APBB2: variants seen among roughly 807,000 people sequenced by gnomAD.
The protein encoded by APBB2 is Fe65-like 1.
APBB2 carries 38 observed loss-of-function variants against 82.5 expected under a neutral mutation model. That is an observed-to-expected ratio of 0.46 (90% CI 0.36 to 0.60). The LOEUF is 0.60. Ranked by LOEUF, APBB2 falls within the 20% of genes least tolerant of loss-of-function variation. The pLI is 0.00. For synonymous variants in APBB2, 341 were observed against 368.2 expected (o/e 0.93, Z 0.85); for missense variants, 772 against 972.3 (o/e 0.79, Z 2.74).
rs967701549 is a variant in APBB2 at position 40,833,159 on chromosome 4, G to A, written c.1530-2582C>T. ...AGAGGGTCCTTCAGAAATACACCAC[G>A]TCTCCCGGCACACAACTCCAATCCT... On this transcript the variant is annotated intron_variant, in intron 12 of 17. Coordinates refer to ENST00000508593, the MANE Select transcript of APBB2 (RefSeq NM_004307.2). 3.9e-5 allele frequency among the ~76,000 whole-genome samples: 6 copies of A among 152,270 alleles called. No homozygotes were observed. The East Asian group carries it at 5.8e-4, about 15-fold the overall frequency.
chr4:41,036,065 G>T (rs1248787304), intron 4 of APBB2, among the ~76,000 whole-genome samples: 1 of 152,126 alleles, frequency 6.6e-6, no homozygotes, highest in East Asian at 1.9e-4. Context: ...GGCTGAGGTG[G>T]AAGGATCACT....
At chr4:40,976,675 T>C (rs1337835045) in intron 6 of APBB2, among the ~76,000 whole-genome samples, 2 of 152,130 alleles carry the variant, frequency 1.3e-5, no homozygotes, top group East Asian at 1.9e-4. Context: ...TGTTAAGCAA[T>C]AGATCCTAAA....
intron 12 of APBB2, among the ~76,000 whole-genome samples, chr4:40,834,460 G>A (rs114212984): frequency 0.011 from 1,686 of 152,312 alleles, 15 homozygotes; most frequent in Middle Eastern, 0.037. Flanking sequence ...GATTTAAGAC[G>A]AAATCCAAGC....
At chr4:40,847,386 C>T (rs1341389152) in intron 12 of APBB2, among the ~76,000 whole-genome samples, 1 of 152,140 alleles carries the variant, frequency 6.6e-6, no homozygotes, top group Admixed American at 6.5e-5. Flanking sequence ...CACTGCAACC[C>T]GGGAGGTGGA....
intron 6 of APBB2, among the ~76,000 whole-genome samples, chr4:40,945,757 C>A (rs1040077362): frequency 6.6e-6 from 1 of 152,158 alleles, no homozygotes; most frequent in Non-Finnish European, 1.5e-5. Context: ...GGACTACAGG[C>A]GCTTGCCACC....
chr4:40,849,026 C>G (rs930930290), intron 12 of APBB2: 3 of 386,572 alleles, frequency 7.8e-6, no homozygotes, highest in Non-Finnish European at 1.1e-5. Context: ...AATCAATATT[C>G]TTGAATATGT....
chr4:41,046,140 G>A (rs1276365705), intron 4 of APBB2, among the ~76,000 whole-genome samples: 1 of 152,148 alleles, frequency 6.6e-6, no homozygotes, highest in Non-Finnish European at 1.5e-5. Flanking sequence ...AAACTCTGGG[G>A]TAAAAGAAGG....
intron 2 of APBB2, among the ~76,000 whole-genome samples, chr4:41,130,518 T>C (rs562550326): frequency 1.3e-4 from 20 of 152,272 alleles, no homozygotes; most frequent in Admixed American, 1.2e-3. Context: ...CCACAGCACT[T>C]CTGCTATCAG....
chr4:40,988,453 T>C (rs59184425), intron 6 of APBB2, among the ~76,000 whole-genome samples: 139,529 of 151,602 alleles, frequency 0.92, 65,046 homozygotes, highest in Non-Finnish European at 1. Context: ...CTGGCCAAAA[T>C]GGTGAAACCT....
At chr4:41,175,352 C>T (rs1769458524) in intron 1 of APBB2, among the ~76,000 whole-genome samples, 2 of 152,130 alleles carry the variant, frequency 1.3e-5, no homozygotes, top group Middle Eastern at 6.8e-3. Context: ...GAAATTCTTC[C>T]CTATATTCTG....
At chr4:40,911,413 T>C (rs1195935198) in intron 10 of APBB2, among the ~76,000 whole-genome samples, 1 of 152,190 alleles carries the variant, frequency 6.6e-6, no homozygotes, top group African/African-American at 2.4e-5. Flanking sequence ...GCATACAATG[T>C]GTCAACCTTT....
chr4:41,163,387 T>A (rs1765677343), intron 1 of APBB2, among the ~76,000 whole-genome samples: 1 of 152,156 alleles, frequency 6.6e-6, no homozygotes, highest in South Asian at 2.1e-4. Context: ...ATCCACCTGA[T>A]GGGTCCCTGC....
intron 1 of APBB2, chr4:41,193,882 T>TA: frequency 6.6e-6 from 1 of 152,260 alleles, no homozygotes; most frequent in Non-Finnish European, 1.5e-5. Context: ...AAGATAAATC[T>TA]GAAAACATCT....
chr4:41,034,941 T>C (rs570240794), intron 4 of APBB2, among the ~76,000 whole-genome samples: 41 of 152,336 alleles, frequency 2.7e-4, no homozygotes, highest in African/African-American at 9.1e-4. Context: ...ATACAGATAC[T>C]GTATGATTCT....
At chr4:41,002,093 C>T (rs1467218374) in intron 6 of APBB2, among the ~76,000 whole-genome samples, 1 of 152,108 alleles carries the variant, frequency 6.6e-6, no homozygotes, top group African/African-American at 2.4e-5. Context: ...TTTTATCTCA[C>T]TGTTTTGCAC....
chr4:40,912,924 T>C (rs960219935), intron 10 of APBB2, among the ~76,000 whole-genome samples: 2 of 152,230 alleles, frequency 1.3e-5, no homozygotes, highest in African/African-American at 4.8e-5. Flanking sequence ...TATTTTAGTT[T>C]TCCCCTGCAG....
intron 6 of APBB2, among the ~76,000 whole-genome samples, chr4:40,968,426 G>T (rs1795183417): frequency 6.6e-6 from 1 of 152,110 alleles, no homozygotes; most frequent in African/African-American, 2.4e-5. Context: ...ACTGCTTGTT[G>T]TGACTACAGT....
chr4:41,116,523 C>T (rs13138893), intron 2 of APBB2, among the ~76,000 whole-genome samples: 32,822 of 151,866 alleles, frequency 0.22, 3,753 homozygotes, highest in Non-Finnish European at 0.24. Context: ...CCCAGCTACT[C>T]GGGAGGCTGA....
chr4:40,816,959 A>G (rs1745935397), intron 17 of APBB2, among the ~76,000 whole-genome samples: 1 of 152,268 alleles, frequency 6.6e-6, no homozygotes, highest in East Asian at 1.9e-4. Flanking sequence ...TTAAAAATCC[A>G]TTAGCACTGG....
Sources: allele counts gnomAD v4.1 joint callset (sites outside exome capture counted in the v4.1 genomes callset), GRCh38; gene constraint gnomAD v4.1.1; transcripts MANE v1.5; gene names NCBI Gene and HGNC (gene_info 2026-07-23, HGNC 2026-07-21).